Variants in KDM4C observed in about 807,000 individuals in gnomAD.
KDM4C encodes the protein lysine demethylase 4C.
In KDM4C, 81 loss-of-function variants were observed where a neutral mutation model predicts 129.3. That is an observed-to-expected ratio of 0.63 (90% CI 0.52 to 0.75). The LOEUF (loss-of-function observed/expected upper bound fraction) is 0.75, where lower values mean the gene tolerates loss of function less well. Ranked by LOEUF, KDM4C falls within the 30% of genes least tolerant of loss-of-function variation. The pLI, the probability that KDM4C is intolerant of heterozygous loss-of-function variation, is 0.00. For missense variants in KDM4C, 1,457 were observed against 1,304.0 expected (o/e 1.12, Z -1.81); for synonymous variants, 573 against 456.1 (o/e 1.26, Z -3.26).
intron 2 of KDM4C, among the ~76,000 whole-genome samples, chr9:6,800,867 A>G (rs1828814940): frequency 6.6e-6 from 1 of 152,160 alleles, no homozygotes; most frequent in Non-Finnish European, 1.5e-5. Flanking sequence ...AGCTCTAGTT[A>G]TCCTCCAGCC....
At chr9:6,961,440 G>C (rs964843685) in intron 8 of KDM4C, among the ~76,000 whole-genome samples, 2 of 152,108 alleles carry the variant, frequency 1.3e-5, no homozygotes, top group African/African-American at 4.8e-5. Context: ...CCTACTTTCT[G>C]AACAGAGATA....
intron 8 of KDM4C, among the ~76,000 whole-genome samples, chr9:6,946,468 A>T (rs1379184347): frequency 6.6e-6 from 1 of 152,160 alleles, no homozygotes; most frequent in African/African-American, 2.4e-5. Flanking sequence ...TTTGGAGAGC[A>T]TTACTTATAG....
chr9:6,744,538 GA>G (rs1020947160), intron 1 of KDM4C, among the ~76,000 whole-genome samples: 1 of 152,084 alleles, frequency 6.6e-6, no homozygotes, highest in Non-Finnish European at 1.5e-5. Flanking sequence ...AAAAGAAAAA[GA>G]AAAAACTAGT....
intron 17 of KDM4C, chr9:7,076,858 C>T (rs1833982438): frequency 3.0e-6 from 3 of 1,001,218 alleles, no homozygotes; most frequent in Non-Finnish European, 3.6e-6. Flanking sequence ...TTCCAAGGTG[C>T]ATCAGGTTAA....
At chr9:6,877,588 CAG>C (rs1306818706) in intron 5 of KDM4C, among the ~76,000 whole-genome samples, 3 of 152,264 alleles carry the variant, frequency 2.0e-5, no homozygotes, top group East Asian at 1.9e-4. Context: ...GCTTTATTGA[CAG>C]AGTGAGATAA....
chr9:6,987,316 CTA>C (rs1374527993), intron 11 of KDM4C, among the ~76,000 whole-genome samples: 1 of 152,186 alleles, frequency 6.6e-6, no homozygotes, highest in East Asian at 1.9e-4. Context: ...AAAGACTCCT[CTA>C]TATTATTTAG....
intron 19 of KDM4C, among the ~76,000 whole-genome samples, chr9:7,139,835 T>C (rs1841564682): frequency 6.6e-6 from 1 of 152,218 alleles, no homozygotes; most frequent in Admixed American, 6.5e-5. Flanking sequence ...CAATTCTTGC[T>C]GCCTCAGAAG....
intron 4 of KDM4C, among the ~76,000 whole-genome samples, chr9:6,820,153 C>T (rs1564087593): frequency 6.6e-6 from 1 of 152,104 alleles, no homozygotes; most frequent in Non-Finnish European, 1.5e-5. Flanking sequence ...ACAGTTGGTG[C>T]AGTGGGCTTG....
chr9:6,886,837 C>G (rs946843142), intron 6 of KDM4C, among the ~76,000 whole-genome samples: 1 of 152,054 alleles, frequency 6.6e-6, no homozygotes, highest in African/African-American at 2.4e-5. Flanking sequence ...AGGCTTGTCC[C>G]AAACTCCTGG....
At position 6,758,145 on chromosome 9, in the gene KDM4C, G is replaced by A. The variant is rs775686694; in HGVS notation, c.-76G>A. 1 of 985,680 alleles carries A rather than the reference G, an allele frequency of 1.0e-6. No homozygotes were observed. Among genetic ancestry groups the A allele is most frequent in the Non-Finnish European group, 1.2e-6 (1 of 830,146 alleles). 61.1% of individuals were successfully genotyped at this position (985,680 alleles called of 1,614,324 possible). On this transcript the variant is annotated 5_prime_UTR_variant, in exon 1 of 22. Transcript: ENST00000381309. This position sits in a 1 kb window ranked among gnomAD's most constrained non-coding sequence, Gnocchi z 4.6. Reference sequence around the variant, plus strand: ...TTTCCCAAATCTCCCTGGGCCGGAGGCCACTGTCTTCTCTTCCTCCTCCAC... The same window carrying A: ...TTTCCCAAATCTCCCTGGGCCGGAGACCACTGTCTTCTCTTCCTCCTCCAC...
intron 17 of KDM4C, among the ~76,000 whole-genome samples, chr9:7,078,046 G>T (rs755430766): frequency 1.8e-4 from 27 of 152,130 alleles, no homozygotes; most frequent in Non-Finnish European, 1.5e-4. Flanking sequence ...ATCAAGTTTT[G>T]ATGAGAAAAA....
At chr9:6,835,621 C>G (rs534905902) in intron 4 of KDM4C, 2 of 828,382 alleles carry the variant, frequency 2.4e-6, no homozygotes, top group Admixed American at 1.7e-5. Context: ...TTGACAAAAC[C>G]TGACTTGTGC....
intron 19 of KDM4C, among the ~76,000 whole-genome samples, chr9:7,134,386 A>T (rs1840969832): frequency 6.6e-6 from 1 of 152,222 alleles, no homozygotes; most frequent in South Asian, 2.1e-4. Context: ...TGCATAAAAA[A>T]AGAACAAACT....
intron 19 of KDM4C, among the ~76,000 whole-genome samples, chr9:7,129,795 G>T (rs1460557358): frequency 3.9e-5 from 6 of 152,056 alleles, no homozygotes; most frequent in Non-Finnish European, 8.8e-5. Context: ...TCCAGGCACT[G>T]CTCCAAGAAC....
chr9:6,938,748 T>C (rs1249073260), intron 8 of KDM4C, among the ~76,000 whole-genome samples: 1 of 152,142 alleles, frequency 6.6e-6, no homozygotes, highest in African/African-American at 2.4e-5. Flanking sequence ...ACTTCTGCTA[T>C]GCAAATCATG....
At chr9:6,774,477 C>T (rs1468933911) in intron 1 of KDM4C, among the ~76,000 whole-genome samples, 1 of 151,998 alleles carries the variant, frequency 6.6e-6, no homozygotes, top group African/African-American at 2.4e-5. Context: ...CCAGGCTGGG[C>T]AAAATGGCGA....
intron 8 of KDM4C, among the ~76,000 whole-genome samples, chr9:6,942,864 C>G (rs372042165): frequency 2.6e-4 from 40 of 152,126 alleles, no homozygotes; most frequent in South Asian, 6.2e-4. Flanking sequence ...CCTCTGTGAT[C>G]AAATTTATTA....
chr9:6,723,714 C>G (rs968727201), intron 1 of KDM4C: 3 of 151,906 alleles, frequency 2.0e-5, no homozygotes, highest in Non-Finnish European at 4.4e-5. Flanking sequence ...ACTGATGCCT[C>G]TAACGAAGGA....
At chr9:6,901,854 C>T (rs1171944254) in intron 8 of KDM4C, among the ~76,000 whole-genome samples, 2 of 152,184 alleles carry the variant, frequency 1.3e-5, no homozygotes, top group South Asian at 2.1e-4. Context: ...CTAAGTAAGA[C>T]ATGTAGTTTC....
Sources: allele counts gnomAD v4.1 joint callset (sites outside exome capture counted in the v4.1 genomes callset), GRCh38; gene constraint gnomAD v4.1.1; non-coding constraint Gnocchi (gnomAD v3.1); transcripts MANE v1.5; gene names NCBI Gene and HGNC (gene_info 2026-07-23, HGNC 2026-07-21).